NR2C1: variants seen among roughly 807,000 people sequenced by gnomAD.
NR2C1 encodes TR2 nuclear hormone receptor.
Under a neutral mutation model 74.8 loss-of-function variants are expected in NR2C1, and 33 were observed. The observed-to-expected ratio is 0.44, with a 90% CI of 0.33 to 0.59. NR2C1 has a LOEUF of 0.59. NR2C1 is among the 20% of genes least tolerant of loss of function. The pLI is 0.02. For missense variants in NR2C1, 568 were observed against 715.6 expected (o/e 0.79, Z 2.35); for synonymous variants, 225 against 240.6 (o/e 0.94, Z 0.60).
chr12:95,043,653 G>GTA (rs2136134373), intron 9 of NR2C1, among the ~76,000 whole-genome samples: 1 of 139,446 alleles, frequency 7.2e-6, no homozygotes, highest in Non-Finnish European at 1.6e-5. Flanking sequence ...TTGTGCCACT[G>GTA]TACTCCAGCC....
chr12:95,026,526 T>G (rs1674465164), intron 12 of NR2C1, among the ~76,000 whole-genome samples: 1 of 152,166 alleles, frequency 6.6e-6, no homozygotes, highest in African/African-American at 2.4e-5. Context: ...TGGAAAAACC[T>G]AAAAATACTT....
At chr12:95,072,987 T>A (rs1396059894) in intron 1 of NR2C1, 1 of 152,248 alleles carries the variant, frequency 6.6e-6, no homozygotes, top group Admixed American at 6.5e-5. Flanking sequence ...CCGTGCGCCC[T>A]GGAAGCCCCG....
chr12:95,067,878 CTTTTTTTTTT>C, intron 1 of NR2C1, among the ~76,000 whole-genome samples: 1 of 110,012 alleles, frequency 9.1e-6, no homozygotes, highest in East Asian at 3.1e-4. Context: ...CTCCATGTAT[CTTTTTTTTTT>C]TTTTTTTTTT....
At chr12:95,053,364 C>A (rs1360604681) in intron 7 of NR2C1, among the ~76,000 whole-genome samples, 1 of 152,070 alleles carries the variant, frequency 6.6e-6, no homozygotes, top group East Asian at 1.9e-4. Flanking sequence ...TCTCTCAACT[C>A]TTTTGACAAC....
chr12:95,058,347 CCTGCAGTATT>C lies in NR2C1; in HGVS notation c.497_506del (p.Gln166ArgfsTer10). On this transcript the variant is annotated frameshift_variant, in exon 5 of 14. Transcript: ENST00000333003. LOFTEE classifies it high-confidence loss of function. ...TTCCAAACGCAATACATCTCTGTAACCTGCAGTATTGACAGCGGTTTCGGTGGTGCTTATT... is the reference window on the plus strand; with the variant it reads ...TTCCAAACGCAATACATCTCTGTAACGACAGCGGTTTCGGTGGTGCTTATT... 6.2e-7 allele frequency: 1 copy of C among 1,613,476 alleles called. No homozygotes were observed. Among genetic ancestry groups the C allele is most frequent in the Non-Finnish European group, 8.5e-7 (1 of 1,179,924 alleles).
chr12:95,059,878 G>A (rs758256670), intron 4 of NR2C1, 28 bp downstream of exon 4: 1 of 1,468,868 alleles, frequency 6.8e-7, no homozygotes, highest in Non-Finnish European at 9.1e-7. Context: ...TTTTTTTTCT[G>A]TTTTTAGGAG....
At chr12:95,071,436 T>C (rs1876599065) in intron 1 of NR2C1, among the ~76,000 whole-genome samples, 1 of 152,188 alleles carries the variant, frequency 6.6e-6, no homozygotes, top group Admixed American at 6.5e-5. Context: ...ACGAATTATA[T>C]TTATACTATT....
intron 10 of NR2C1, among the ~76,000 whole-genome samples, chr12:95,032,976 G>C (rs1050386406): frequency 1.3e-5 from 2 of 151,482 alleles, no homozygotes; most frequent in Non-Finnish European, 3.0e-5. Context: ...TCAAAAAAAA[G>C]AGAGAGAATT....
Position 95,040,526 on chromosome 12 carries a change from CAGCAGTCTGGA to C in NR2C1, c.1192_1202del (p.Ser398ValfsTer31), listed in dbSNP as rs1427938426. Reference sequence around the variant, plus strand: ...AAAGTGCCCAGTGCATTGATAAGAACAGCAGTCTGGAGGCAGACTCCCCAATGTAGTGCACA... The same window carrying C: ...AAAGTGCCCAGTGCATTGATAAGAACGGCAGACTCCCCAATGTAGTGCACA... On this transcript the variant is annotated frameshift_variant, in exon 10 of 14. Coordinates refer to ENST00000333003, the MANE Select transcript of NR2C1 (RefSeq NM_003297.4). LOFTEE classifies it high-confidence loss of function. 6.2e-7 allele frequency: 1 copy of C among 1,613,958 alleles called. No individual in the cohort carries two copies. Among genetic ancestry groups the C allele is most frequent in the Admixed American group, 1.7e-5 (1 of 60,010 alleles).
At chr12:95,049,015 A>T in intron 9 of NR2C1, 53 bp downstream of exon 9, 2 of 1,446,684 alleles carry the variant, frequency 1.4e-6, no homozygotes, top group Non-Finnish European at 1.9e-6. Flanking sequence ...TTTGAAAGGT[A>T]GATCAAAATC....
chr12:95,031,334 G>A lies in NR2C1; in HGVS notation c.1393+15C>T. The stretch of plus-strand genomic sequence containing the variant: ...CCTCCTACAACCTGGAAAAGGTAAG[G>A]AAGGTGCTTTTTACCTTGTTGAAGA... On this transcript the variant is annotated intron_variant, in intron 11 of 13. Transcript: ENST00000333003. 6.4e-7 allele frequency: 1 copy of A among 1,565,050 alleles called. No individual in the cohort carries two copies.
rs150302086 is a variant in NR2C1, at chr12:95,058,317, C to G, written c.537G>C (p.Lys179Asn). The change falls in exon 5 of 14, where the codon AAG (lysine) becomes AAC (asparagine). Residue 179 changes from lysine (K) to asparagine (N), a missense_variant. By Grantham distance (94) the Lys-to-Asn change is moderately conservative (BLOSUM62 0). This residue lies in a region of NR2C1 where 239 missense variants were observed against 232.3 expected (regional missense o/e 1.03). Transcript: ENST00000333003. ...TTAAAAGCTAATACATACAGTCTTG[C>G]TTCATTCCAAACGCAATACATCTCT... Reference protein sequence around the residue: ...RLQRCIAFGMKQDSVQCERKP... With the variant: ...RLQRCIAFGMNQDSVQCERKP... 2.5e-6 allele frequency: 4 copies of G among 1,610,238 alleles called. No homozygotes were observed. The African/African-American group carries it at 5.4e-5, about 22-fold the overall frequency.
intron 1 of NR2C1, among the ~76,000 whole-genome samples, chr12:95,068,043 A>G (rs1192566133): frequency 6.6e-6 from 1 of 151,896 alleles, no homozygotes; most frequent in African/African-American, 2.4e-5. Context: ...CACGCCAGCT[A>G]ATTTTTTTGT....
chr12:95,020,760 AAC>A lies in NR2C1; in HGVS notation c.*1467_*1468del, dbSNP rs1297912333. 1 of 152,216 alleles carries A rather than the reference AAC, an allele frequency of 6.6e-6. No homozygotes were observed. The highest frequency in any genetic ancestry group is 1.5e-5 in the Non-Finnish European group (1 of 68,038). 9.4% of individuals were successfully genotyped at this position (152,216 alleles called of 1,614,324 possible). The stretch of plus-strand genomic sequence containing the variant: ...ATTCATCAAGAAATCAAAGCAAAGA[AAC>A]AGTTATCAGTATCAGGTTTGCTAAA... On this transcript the variant is annotated 3_prime_UTR_variant, in exon 14 of 14. Transcript: ENST00000333003.
At chr12:95,049,006 T>C (rs753926656) in intron 9 of NR2C1, 62 bp downstream of exon 9, 226 of 1,441,244 alleles carry the variant, frequency 1.6e-4, no homozygotes, top group Non-Finnish European at 2.1e-4. Context: ...ACTTTGATTT[T>C]TGAAAGGTAG....
intron 11 of NR2C1, chr12:95,030,438 T>C: frequency 2.9e-6 from 4 of 1,362,916 alleles, no homozygotes; most frequent in South Asian, 4.3e-5. Flanking sequence ...TTTTAATTTA[T>C]TGTAGAGGGA....
intron 10 of NR2C1, among the ~76,000 whole-genome samples, chr12:95,033,306 A>G (rs1240638410): frequency 1.3e-5 from 2 of 152,178 alleles, no homozygotes; most frequent in African/African-American, 4.8e-5. Flanking sequence ...AATTTTAGGT[A>G]ATAAAAATTC....
rs1169110013 is a variant in NR2C1, at chr12:95,058,439, T to C, written c.415A>G (p.Arg139Gly). The C allele has an allele frequency of 6.2e-7, 1 of 1,613,678 alleles. No homozygotes were observed. Residue 139 changes from arginine (R) to glycine (G), a missense_variant, in exon 5 of 14, where the codon AGA (arginine) becomes GGA (glycine). Coordinates refer to ENST00000333003, the MANE Select transcript of NR2C1 (RefSeq NM_003297.4). ...TATACTAAATTTTTTCGGATGCTTC[T>C]TTTAAAAAATCCTTTGCAGCCTTCA... is the stretch of plus-strand genomic sequence containing the variant. ...TCEGCKGFFK[R>G]SIRKNLVYSC... is the part of the protein sequence containing the mutation.
At chr12:95,069,591 T>C (rs545021892) in intron 1 of NR2C1, among the ~76,000 whole-genome samples, 2 of 152,372 alleles carry the variant, frequency 1.3e-5, no homozygotes, top group South Asian at 2.1e-4. Context: ...ATGATGTTCA[T>C]CTGTGATAAA....
Sources: gnomAD v4.1 joint callset for allele counts (sites outside exome capture counted in the v4.1 genomes callset) on GRCh38, gnomAD v4.1.1 for gene constraint, gnomAD v4.1.1 regional missense constraint, MANE v1.5 for transcripts, NCBI Gene and HGNC (gene_info 2026-07-23, HGNC 2026-07-21) for gene names.